COBLL1: variants seen among roughly 807,000 people sequenced by gnomAD.
COBLL1 encodes cordon-bleu protein-like 1.
A neutral mutation model predicts 94.8 loss-of-function variants in COBLL1; 50 were observed. The observed-to-expected ratio is 0.53, with a 90% CI of 0.42 to 0.67. The LOEUF is 0.67. Among genes scored for constraint, COBLL1 ranks in the 30% least tolerant of loss-of-function variants. COBLL1 has a pLI of 0.00. For synonymous variants in COBLL1, 448 were observed against 473.8 expected (o/e 0.95, Z 0.71); for missense variants, 1,362 against 1,348.7 (o/e 1.01, Z -0.15).
chr2:164,777,693 T>C (rs1688533911), intron 2 of COBLL1, among the ~76,000 whole-genome samples: 1 of 152,126 alleles, frequency 6.6e-6, no homozygotes, highest in African/African-American at 2.4e-5. Context: ...TTAAAGAGTG[T>C]AAAACAACTT....
At chr2:164,823,168 A>C (rs1685265552) in intron 2 of COBLL1, among the ~76,000 whole-genome samples, 1 of 152,202 alleles carries the variant, frequency 6.6e-6, no homozygotes, top group Admixed American at 6.5e-5. Flanking sequence ...ATTTTTAATA[A>C]GATTCAATCA....
In COBLL1 at chr2:164,695,415, A is replaced by C; in HGVS notation, c.1977T>G (p.Ser659Arg). 2 of 1,613,646 alleles carry C rather than the reference A, an allele frequency of 1.2e-6. No individual in the cohort carries two copies. The change falls in exon 12 of 14, where the codon AGT becomes AGG. Residue 659 changes from serine to arginine, a missense_variant. Coordinates refer to ENST00000652658, the MANE Select transcript of COBLL1 (RefSeq NM_001365672.2). ...DSVNTSREFR[S>R]QGTLIIHSED... ...CTGAATGTATAATTAGGGTGCCTTG[A>C]CTCCTGAATTCCCTTGAGGTATTTA...
chr2:164,778,931 T>C (rs183159389), intron 2 of COBLL1, among the ~76,000 whole-genome samples: 5 of 152,214 alleles, frequency 3.3e-5, no homozygotes, highest in Admixed American at 3.3e-4. Flanking sequence ...AATCCCAGTG[T>C]ATGACTATGA....
Position 164,694,598 on chromosome 2 carries a change from C to T in COBLL1, c.2794G>A (p.Glu932Lys), listed in dbSNP as rs767142231. ...CCGATGACATCATCATCAGTTTTTT[C>T]AACAAGGGGTTGTGGAACAGAGTGA... ...MPHSVPQPLVEKTDDDVIGQA... is the reference protein window; with the variant it reads ...MPHSVPQPLVKKTDDDVIGQA... Residue 932 changes from glutamate (E) to lysine (K), a missense_variant, in exon 12 of 14, where the codon GAA (glutamate) becomes AAA (lysine). Transcript: ENST00000652658. 14 of 1,613,872 alleles carry T rather than the reference C, an allele frequency of 8.7e-6. No individual in the cohort carries two copies. The highest frequency in any genetic ancestry group is 2.2e-5 in the South Asian group (2 of 91,072).
intron 9 of COBLL1, among the ~76,000 whole-genome samples, chr2:164,701,991 T>A (rs1684300879): frequency 6.6e-6 from 1 of 152,092 alleles, no homozygotes; most frequent in African/African-American, 2.4e-5. Context: ...ATTCAATATT[T>A]AAAGTACTTA....
intron 2 of COBLL1, among the ~76,000 whole-genome samples, chr2:164,767,530 T>TG (rs144940040): frequency 0.24 from 36,111 of 151,956 alleles, 5,016 homozygotes; most frequent in African/African-American, 0.38. Flanking sequence ...GCTTTATTTT[T>TG]TAAATGTACC....
At chr2:164,673,482 C>G (rs1337676192) in intron 1 of COBLL1, among the ~76,000 whole-genome samples, 11 of 152,100 alleles carry the variant, frequency 7.2e-5, no homozygotes, top group Non-Finnish European at 2.9e-5. Context: ...TGAGACCACC[C>G]TGGCCAACAT....
intron 2 of COBLL1, among the ~76,000 whole-genome samples, chr2:164,826,582 T>C (rs1685437216): frequency 6.6e-6 from 1 of 152,184 alleles, no homozygotes; most frequent in African/African-American, 2.4e-5. Flanking sequence ...AAACTGTGGG[T>C]TAGAGAGGGG....
intron 2 of COBLL1, among the ~76,000 whole-genome samples, chr2:164,751,148 A>G (rs895970675): frequency 4.6e-5 from 7 of 151,932 alleles, no homozygotes; most frequent in Non-Finnish European, 1.0e-4. Flanking sequence ...GTATTCTCTA[A>G]CCACTCAAAA....
chr2:164,702,626 C>A (rs1449626372), intron 9 of COBLL1, among the ~76,000 whole-genome samples: 1 of 150,404 alleles, frequency 6.6e-6, no homozygotes, highest in Non-Finnish European at 1.5e-5. Context: ...AAATGAAAGG[C>A]CATGATGGTT....
rs76068235 is a variant in COBLL1 at position 164,773,617 on chromosome 2, T to C, written c.42-29742A>G. On this transcript the variant is annotated intron_variant, in intron 2 of 13. Coordinates refer to ENST00000652658, the MANE Select transcript of COBLL1 (RefSeq NM_001365672.2). Reference sequence around the variant, plus strand: ...ATATTAAAATGTGCAAGGGTAATCATAGTTTGAGAGAAAATATTAGATATT... The same window carrying C: ...ATATTAAAATGTGCAAGGGTAATCACAGTTTGAGAGAAAATATTAGATATT... 198 of 453,756 alleles carry C rather than the reference T, an allele frequency of 4.4e-4. 2 individuals are homozygous for C. The East Asian group carries it at 0.016, about 36-fold the overall frequency. The allele number at this position is 453,756 out of a possible 1,614,324, so 28.1% of individuals were successfully genotyped here.
At chr2:164,781,561 G>A (rs985038084) in intron 2 of COBLL1, among the ~76,000 whole-genome samples, 3 of 152,040 alleles carry the variant, frequency 2.0e-5, no homozygotes, top group Admixed American at 6.6e-5. Context: ...ATATCTTTAT[G>A]GATACTTTAC....
intron 2 of COBLL1, among the ~76,000 whole-genome samples, chr2:164,762,230 G>A (rs901775753): frequency 9.9e-5 from 15 of 152,174 alleles, no homozygotes; most frequent in African/African-American, 3.6e-4. Context: ...ACCTGACCAT[G>A]CTCTTTGGCC....
intron 7 of COBLL1, among the ~76,000 whole-genome samples, chr2:164,718,035 T>A (rs1316505086): frequency 6.6e-6 from 1 of 152,198 alleles, no homozygotes; most frequent in Non-Finnish European, 1.5e-5. Flanking sequence ...ACCATAAAAG[T>A]AAATGTAAGC....
At chr2:164,756,349 C>G (rs534627467) in intron 2 of COBLL1, among the ~76,000 whole-genome samples, 1 of 152,294 alleles carries the variant, frequency 6.6e-6, no homozygotes, top group South Asian at 2.1e-4. Context: ...ATAATTCTCT[C>G]TCTCCATTCC....
chr2:164,839,443 T>C (rs943200006), intron 2 of COBLL1, among the ~76,000 whole-genome samples: 2 of 152,104 alleles, frequency 1.3e-5, no homozygotes, highest in Non-Finnish European at 2.9e-5. Context: ...AAATAAAATA[T>C]CAAGAGTAAA....
At chr2:164,830,072 G>A (rs1476250576) in intron 2 of COBLL1, among the ~76,000 whole-genome samples, 2 of 152,186 alleles carry the variant, frequency 1.3e-5, no homozygotes, top group Admixed American at 6.5e-5. Context: ...AAGCAGAGAC[G>A]AGTTCCTCAG....
chr2:164,766,812 T>G (rs355844), intron 2 of COBLL1, among the ~76,000 whole-genome samples: 36,236 of 152,050 alleles, frequency 0.24, 5,084 homozygotes, highest in African/African-American at 0.39. Context: ...AAAATTATAA[T>G]TTACTCGTGA....
At chr2:164,699,584 G>C in intron 10 of COBLL1, 85 bp from the exon 11 acceptor site, 4 of 718,218 alleles carry the variant, frequency 5.6e-6, no homozygotes, top group African/African-American at 1.8e-5. Flanking sequence ...CACACACAAT[G>C]AGAAACAGGC....
Sources: allele counts gnomAD v4.1 joint callset (sites outside exome capture counted in the v4.1 genomes callset), GRCh38; gene constraint gnomAD v4.1.1; transcripts MANE v1.5; gene names NCBI Gene and HGNC (gene_info 2026-07-23, HGNC 2026-07-21).